The following RUFY1 variants were observed in gnomAD, a reference collection of about 807,000 sequenced individuals.
RUFY1 encodes RUN and FYVE domain containing 1.
RUFY1 carries 54 observed loss-of-function variants against 94.6 expected under a neutral mutation model. That is an observed-to-expected ratio of 0.57 (90% CI 0.46 to 0.72). RUFY1 has a LOEUF of 0.72. Among genes scored for constraint, RUFY1 ranks in the 30% least tolerant of loss-of-function variants. RUFY1 has a pLI of 0.00. For missense variants in RUFY1, 883 were observed against 883.9 expected, an observed-to-expected ratio of 1.00 and a Z score of 0.01; for synonymous variants, 396 against 347.3, an observed-to-expected ratio of 1.14 and a Z score of -1.56.
chr5:179,581,654 G>A (rs962671930), intron 7 of RUFY1, among the ~76,000 whole-genome samples: 2 of 151,676 alleles, frequency 1.3e-5, no homozygotes, highest in Non-Finnish European at 1.5e-5. Flanking sequence ...GTGCAGTTAC[G>A]GACACATTGC....
At position 179,609,717 on chromosome 5, in the gene RUFY1, G is replaced by T; in HGVS notation, c.*198G>T. On this transcript the variant is annotated 3_prime_UTR_variant, in exon 18 of 18. Coordinates refer to ENST00000319449, the MANE Select transcript of RUFY1 (RefSeq NM_025158.5). ...TGACTTGTTCGGAATTAACTCCTCT[G>T]GATGGAAACTTCCATCTTACTTGGT... 3.9e-6 allele frequency: 2 copies of T among 508,892 alleles called. No homozygotes were observed. Among genetic ancestry groups the T allele is most frequent in the South Asian group, 3.2e-5 (1 of 31,724 alleles). The allele number at this position is 508,892 out of a possible 1,614,324, so 31.5% of individuals were successfully genotyped here.
intron 12 of RUFY1, among the ~76,000 whole-genome samples, chr5:179,595,203 G>A (rs1272697900): frequency 6.6e-6 from 1 of 152,118 alleles, no homozygotes; most frequent in Non-Finnish European, 1.5e-5. Flanking sequence ...AATTAGGACG[G>A]GCGCGGTGGC....
intron 8 of RUFY1, among the ~76,000 whole-genome samples, chr5:179,586,795 T>C (rs745433605): frequency 1.1e-4 from 17 of 152,314 alleles, no homozygotes; most frequent in South Asian, 4.1e-4. Flanking sequence ...GTCACCTTGG[T>C]AGGCAGGCCT....
chr5:179,609,285 C>A, intron 17 of RUFY1, 91 bp from the exon 18 acceptor site: 2 of 1,375,332 alleles, frequency 1.5e-6, no homozygotes, highest in Non-Finnish European at 2.0e-6. Context: ...CCATTCCCAG[C>A]AAATGATGCG....
At chr5:179,566,480 C>T (rs1380353077) in intron 3 of RUFY1, among the ~76,000 whole-genome samples, 4 of 152,042 alleles carry the variant, frequency 2.6e-5, no homozygotes, top group Non-Finnish European at 4.4e-5. Flanking sequence ...GTGGCAGGTG[C>T]CTGTAATCCC....
At chr5:179,571,509 A>G (rs1763224676) in intron 5 of RUFY1, among the ~76,000 whole-genome samples, 1 of 152,018 alleles carries the variant, frequency 6.6e-6, no homozygotes, top group Non-Finnish European at 1.5e-5. Flanking sequence ...GTCTGGAAAA[A>G]AAAAAAAAAA....
At chr5:179,587,509 A>T (rs1764712215) in intron 8 of RUFY1, among the ~76,000 whole-genome samples, 1 of 146,132 alleles carries the variant, frequency 6.8e-6, no homozygotes, top group South Asian at 2.1e-4. Context: ...CTCCTGCCTC[A>T]GCCTCCCGAG....
At chr5:179,576,721 A>G (rs1313622618) in intron 5 of RUFY1, among the ~76,000 whole-genome samples, 2 of 152,186 alleles carry the variant, frequency 1.3e-5, no homozygotes, top group Non-Finnish European at 2.9e-5. Context: ...ACGCCTGGCC[A>G]GGTCACCACT....
intron 2 of RUFY1, 121 bp from the exon 3 acceptor site, chr5:179,562,426 G>T: frequency 1.4e-6 from 1 of 692,114 alleles, no homozygotes; most frequent in East Asian, 2.5e-5. Flanking sequence ...TTTAAAAAAG[G>T]ATTAAGCAGT....
rs1381469862 is a variant in RUFY1 at position 179,605,858 on chromosome 5, C to G, written c.1857-18C>G. On this transcript the variant is annotated intron_variant, in intron 15 of 17. Transcript: ENST00000319449. ...ACTCTCTCTCACTGCTATGAAATGGCCTTTTTTTTTTCCTTAGGTCCAAGC... is the reference window on the plus strand; with the variant it reads ...ACTCTCTCTCACTGCTATGAAATGGGCTTTTTTTTTTCCTTAGGTCCAAGC... 6.3e-7 allele frequency: 1 copy of G among 1,577,432 alleles called. No individual in the cohort carries two copies. Among genetic ancestry groups the G allele is most frequent in the Non-Finnish European group, 8.7e-7 (1 of 1,152,946 alleles).
chr5:179,569,395 C>T lies in RUFY1; in HGVS notation c.798C>T (p.Leu266=), dbSNP rs150352195. The part of the protein sequence containing the change: ...LVGLNVLDAN[L]CLKGEDLDSQ... ...GACTCAATGTTCTCGATGCCAATCT[C>T]TGCTTGAAAGGAGAAGACTTGGATT... The change falls in exon 5 of 18, where the codon CTC becomes CTT. Residue 266 remains leucine (L), a synonymous_variant. Coordinates refer to ENST00000319449, the MANE Select transcript of RUFY1 (RefSeq NM_025158.5). The T allele has an allele frequency of 3.4e-4, 546 of 1,613,552 alleles. 5 individuals carry two copies. In the African/African-American group the frequency reaches 6.4e-3, roughly 19 times the overall value.
intron 9 of RUFY1, among the ~76,000 whole-genome samples, chr5:179,590,022 T>C (rs774981033): frequency 3.9e-4 from 59 of 152,202 alleles, no homozygotes; most frequent in Non-Finnish European, 2.4e-4. Flanking sequence ...TGTAGAATTG[T>C]TGGCTTGCAG....
rs1767434869 is a variant in RUFY1, at chr5:179,609,121, G to A, written c.1984-255G>A. On this transcript the variant is annotated intron_variant, in intron 17 of 17. Transcript: ENST00000319449. ...GTAGACCCAGCTACTGCCGGAGAAT[G>A]GCGTGAACCTGGGAGGCAGAGCTTG... Among the ~76,000 whole-genome samples, 3 of 148,960 alleles carry A rather than the reference G, an allele frequency of 2.0e-5. No individual in the cohort carries two copies. The East Asian group carries it at 6.0e-4, about 30-fold the overall frequency.
chr5:179,568,422 C>T (rs1235984801), intron 4 of RUFY1, among the ~76,000 whole-genome samples: 2 of 152,150 alleles, frequency 1.3e-5, no homozygotes, highest in African/African-American at 2.4e-5. Context: ...GAAATAGATA[C>T]ATTTTACAGC....
At chr5:179,586,398 C>T (rs1331629246) in intron 8 of RUFY1, 7 of 456,574 alleles carry the variant, frequency 1.5e-5, no homozygotes, top group Non-Finnish European at 2.6e-5. Flanking sequence ...GCCAGCTGCC[C>T]GGCAGTCTCC....
chr5:179,576,385 CAG>C (rs1289396981), intron 5 of RUFY1, among the ~76,000 whole-genome samples: 2 of 152,158 alleles, frequency 1.3e-5, no homozygotes, highest in East Asian at 3.8e-4. Context: ...AAGAAGGACT[CAG>C]AAATGTCAGT....
At chr5:179,560,321 G>T in intron 2 of RUFY1, 123 bp downstream of exon 2, 1 of 1,258,786 alleles carries the variant, frequency 7.9e-7, no homozygotes, top group East Asian at 2.6e-5. Flanking sequence ...AACAGGCAAG[G>T]TTCCTGTATT....
chr5:179,608,989 G>A (rs993541110), intron 17 of RUFY1, among the ~76,000 whole-genome samples: 17 of 151,388 alleles, frequency 1.1e-4, no homozygotes, highest in African/African-American at 3.6e-4. Context: ...AGGCCAAGGC[G>A]GAGGCAGATC....
Position 179,609,790 on chromosome 5 carries a change from C to T in RUFY1, c.*271C>T. 4 of 376,446 alleles carry T rather than the reference C, an allele frequency of 1.1e-5. No homozygotes were observed. The highest frequency in any genetic ancestry group is 1.9e-5 in the Non-Finnish European group (4 of 210,116). The allele number at this position is 376,446 out of a possible 1,614,324, so 23.3% of individuals were successfully genotyped here. A position where few individuals can be genotyped will look rare whatever the true frequency, so the allele number is the denominator to read the frequency against. On this transcript the variant is annotated 3_prime_UTR_variant, in exon 18 of 18. Coordinates refer to ENST00000319449, the MANE Select transcript of RUFY1 (RefSeq NM_025158.5). The stretch of plus-strand genomic sequence containing the variant: ...TACAACTTCATGATTTTGCTACTAT[C>T]ATTTTTCACTTTTCAAAGAATTTAA...
Sources: allele counts gnomAD v4.1 joint callset (sites outside exome capture counted in the v4.1 genomes callset), GRCh38; gene constraint gnomAD v4.1.1; transcripts MANE v1.5; gene names NCBI Gene and HGNC (gene_info 2026-07-23, HGNC 2026-07-21).